The following NELL1 variants were observed in gnomAD, a reference collection of about 807,000 sequenced individuals.
NELL1 encodes the protein protein kinase C-binding protein NELL1.
Under a neutral mutation model 107.4 loss-of-function variants are expected in NELL1, and 76 were observed. That is an observed-to-expected ratio of 0.71 (90% confidence interval 0.59 to 0.86). The LOEUF is 0.86. Ranked by LOEUF, NELL1 falls within the 40% of genes least tolerant of loss-of-function variation. The pLI, the probability that NELL1 is intolerant of heterozygous loss-of-function variation, is 0.00. For synonymous variants in NELL1, 353 were observed against 341.2 expected, an observed-to-expected ratio of 1.03 and a Z score of -0.38; for missense variants, 1,024 against 1,005.5, an observed-to-expected ratio of 1.02 and a Z score of -0.25.
At chr11:21,554,160 C>T (rs182248157) in intron 16 of NELL1, among the ~76,000 whole-genome samples, 1 of 151,906 alleles carries the variant, frequency 6.6e-6, no homozygotes, top group East Asian at 2.0e-4. Context: ...CAGATTTAAT[C>T]ACTGGTTAAA....
intron 3 of NELL1, among the ~76,000 whole-genome samples, chr11:20,794,473 G>A (rs1404558416): frequency 6.6e-6 from 1 of 152,164 alleles, no homozygotes; most frequent in East Asian, 1.9e-4. Context: ...AGGTTCACAT[G>A]GAATACATTG....
intron 14 of NELL1, among the ~76,000 whole-genome samples, chr11:21,237,289 C>T (rs767976156): frequency 3.9e-5 from 6 of 152,062 alleles, no homozygotes; most frequent in Non-Finnish European, 7.4e-5. Context: ...CTTCTTGTTA[C>T]TTAGTTCTGT....
chr11:20,675,975 C>T (rs561079177), intron 1 of NELL1, among the ~76,000 whole-genome samples: 16 of 152,164 alleles, frequency 1.1e-4, no homozygotes, highest in African/African-American at 3.9e-4. Flanking sequence ...CCTCAAACTC[C>T]TGAGCTCAAA....
intron 13 of NELL1, among the ~76,000 whole-genome samples, chr11:21,205,087 G>A (rs1857359929): frequency 6.6e-6 from 1 of 152,134 alleles, no homozygotes; most frequent in African/African-American, 2.4e-5. Flanking sequence ...AGACATGGGG[G>A]TCAGGGACCC....
At chr11:21,042,580 C>T (rs1853261504) in intron 12 of NELL1, among the ~76,000 whole-genome samples, 1 of 152,138 alleles carries the variant, frequency 6.6e-6, no homozygotes, top group Non-Finnish European at 1.5e-5. Flanking sequence ...CCTCAGATGA[C>T]AGAGAAGCCA....
intron 12 of NELL1, among the ~76,000 whole-genome samples, chr11:21,064,433 C>T (rs1258222754): frequency 6.6e-6 from 1 of 151,980 alleles, no homozygotes; most frequent in Non-Finnish European, 1.5e-5. Flanking sequence ...GACAGTCGGT[C>T]AGGTTTTGGA....
intron 13 of NELL1, chr11:21,170,255 G>C (rs1456090048): frequency 8.0e-6 from 3 of 373,664 alleles, no homozygotes; most frequent in East Asian, 1.1e-4. Flanking sequence ...AACTACAAGG[G>C]TATGGGCCTT....
chr11:21,544,924 C>T (rs890352558), intron 16 of NELL1, among the ~76,000 whole-genome samples: 1 of 151,622 alleles, frequency 6.6e-6, no homozygotes, highest in Non-Finnish European at 1.5e-5. Context: ...TGATTGCATA[C>T]ACTACTTGCT....
intron 13 of NELL1, among the ~76,000 whole-genome samples, chr11:21,133,678 A>G (rs1023746473): frequency 2.0e-5 from 3 of 148,562 alleles, no homozygotes; most frequent in Non-Finnish European, 4.4e-5. Context: ...TTGCTCCAAA[A>G]TCAGAGCAGG....
At position 21,382,949 on chromosome 11, in the gene NELL1, C is replaced by G. The variant is rs116778883; in HGVS notation, c.1645+12001C>G. On this transcript the variant is annotated intron_variant, in intron 15 of 19. Transcript: ENST00000357134. Reference sequence around the variant, plus strand: ...CACAAAGGATAAATAGGAAGAAAATCTAGCTTTCTGTGAAACCGTGAGCAA... The same window carrying G: ...CACAAAGGATAAATAGGAAGAAAATGTAGCTTTCTGTGAAACCGTGAGCAA... Among the ~76,000 whole-genome samples the G allele has an allele frequency of 7.8e-3, 1,180 of 152,026 alleles. 8 individuals carry two copies. The highest frequency in any genetic ancestry group is 0.034 in the Middle Eastern group (10 of 294).
rs142923338 is a variant in NELL1, at chr11:20,917,241, G to A, written c.604-941G>A. On this transcript the variant is annotated intron_variant, in intron 5 of 19. Coordinates refer to ENST00000357134, the MANE Select transcript of NELL1 (RefSeq NM_006157.5). The stretch of plus-strand genomic sequence containing the variant: ...CAAACACTGCATCATCCTTGAAGAG[G>A]AAGAGGTTAATAAACATATAATTCT... 5.3e-5 allele frequency among the ~76,000 whole-genome samples: 8 copies of A among 152,114 alleles called. No individual in the cohort carries two copies. The East Asian group carries it at 1.5e-3, about 29-fold the overall frequency.
At chr11:21,309,080 T>C (rs1849670030) in intron 14 of NELL1, among the ~76,000 whole-genome samples, 1 of 151,528 alleles carries the variant, frequency 6.6e-6, no homozygotes, top group Non-Finnish European at 1.5e-5. Context: ...GTTTTACATT[T>C]ATTTTGTATA....
At chr11:20,834,454 A>G (rs1017961067) in intron 3 of NELL1, among the ~76,000 whole-genome samples, 1 of 152,156 alleles carries the variant, frequency 6.6e-6, no homozygotes, top group Non-Finnish European at 1.5e-5. Context: ...TTCAGAAGAC[A>G]GGTCTAGACT....
intron 12 of NELL1, among the ~76,000 whole-genome samples, chr11:20,988,946 A>G (rs1425604837): frequency 6.6e-6 from 1 of 152,004 alleles, no homozygotes; most frequent in African/African-American, 2.4e-5. Flanking sequence ...GACATATCTG[A>G]GTTCTCCTCT....
chr11:20,759,354 A>G (rs1274168685), intron 2 of NELL1, among the ~76,000 whole-genome samples: 1 of 151,340 alleles, frequency 6.6e-6, no homozygotes, highest in South Asian at 2.1e-4. Context: ...TCCACGTGGA[A>G]GAAGAAGATC....
chr11:21,520,255 AC>A (rs1456561347), intron 15 of NELL1, among the ~76,000 whole-genome samples: 1 of 152,070 alleles, frequency 6.6e-6, no homozygotes, highest in African/African-American at 2.4e-5. Context: ...CTGAGGAACA[AC>A]CCCTTCTAAA....
chr11:21,570,356 G>A (rs1857071416), intron 17 of NELL1, among the ~76,000 whole-genome samples: 1 of 151,798 alleles, frequency 6.6e-6, no homozygotes, highest in African/African-American at 2.4e-5. Flanking sequence ...GGTTGGGACA[G>A]GGATATAGTT....
intron 12 of NELL1, among the ~76,000 whole-genome samples, chr11:20,961,465 T>G (rs942254325): frequency 2.6e-5 from 4 of 152,160 alleles, no homozygotes; most frequent in Admixed American, 6.6e-5. Context: ...CCTTGCACCA[T>G]GATGATTTGG....
chr11:21,150,294 AC>A (rs1270543782), intron 13 of NELL1, among the ~76,000 whole-genome samples: 1 of 152,108 alleles, frequency 6.6e-6, no homozygotes, highest in Non-Finnish European at 1.5e-5. Context: ...ACCGTATATT[AC>A]TCAAAGTGCT....
Sources: allele counts gnomAD v4.1 joint callset (sites outside exome capture counted in the v4.1 genomes callset), GRCh38; gene constraint gnomAD v4.1.1; transcripts MANE v1.5; gene names NCBI Gene and HGNC (gene_info 2026-07-23, HGNC 2026-07-21).